The following CSTF3 variants were observed in gnomAD, a reference collection of about 807,000 sequenced individuals.
The protein encoded by CSTF3 is cleavage stimulation factor subunit 3.
A neutral mutation model predicts 105.8 loss-of-function variants in CSTF3; 29 were observed. The observed-to-expected ratio is 0.27, with a 90% CI of 0.20 to 0.37. The LOEUF (loss-of-function observed/expected upper bound fraction) is 0.37, where lower values mean the gene tolerates loss of function less well. Among genes scored for constraint, CSTF3 ranks in the 10% least tolerant of loss-of-function variants. The probability of loss-of-function intolerance (pLI) is 1.00; values close to 1 mark genes in which losing one functional copy is unlikely to be tolerated. For missense variants in CSTF3, 357 were observed against 879.3 expected (o/e 0.41, Z 7.51); for synonymous variants, 252 against 281.9 (o/e 0.89, Z 1.06).
intron 1 of CSTF3, among the ~76,000 whole-genome samples, chr11:33,148,247 C>T (rs1855808352): frequency 6.6e-6 from 1 of 152,208 alleles, no homozygotes; most frequent in African/African-American, 2.4e-5. Flanking sequence ...GATTCTCAAT[C>T]CTGGCTCTGC....
rs573057096 is a variant in CSTF3 at position 33,108,303 on chromosome 11, T to C, written c.258+83A>G. The C allele has an allele frequency of 7.5e-6, 9 of 1,198,252 alleles. No individual in the cohort carries two copies. In the South Asian group the frequency reaches 1.2e-4, roughly 16 times the overall value. 74.2% of individuals were successfully genotyped at this position (1,198,252 alleles called of 1,614,324 possible). ...AATCACTATCTAGATTCAATTATTA[T>C]TAACATTTTACTACATCTGTCTTAT... On this transcript the variant is annotated intron_variant, in intron 4 of 20. Coordinates refer to ENST00000323959, the MANE Select transcript of CSTF3 (RefSeq NM_001326.3).
chr11:33,153,195 T>G (rs1849811585), intron 1 of CSTF3, among the ~76,000 whole-genome samples: 1 of 152,166 alleles, frequency 6.6e-6, no homozygotes, highest in Non-Finnish European at 1.5e-5. Flanking sequence ...AGACATTATC[T>G]GCTTCTTTCA....
intron 17 of CSTF3, among the ~76,000 whole-genome samples, chr11:33,088,289 C>CTTT (rs951194279): frequency 3.5e-5 from 5 of 141,010 alleles, no homozygotes; most frequent in East Asian, 2.0e-4. Flanking sequence ...TACTTACTCT[C>CTTT]TTTTTTTTTT....
chr11:33,148,171 C>A (rs995737080), intron 1 of CSTF3, among the ~76,000 whole-genome samples: 2 of 152,112 alleles, frequency 1.3e-5, no homozygotes, highest in East Asian at 1.9e-4. Context: ...TGATATCCAA[C>A]CAAGCATAAT....
intron 5 of CSTF3, among the ~76,000 whole-genome samples, 194 bp from the exon 6 acceptor site, chr11:33,106,258 T>A (rs998245996): frequency 2.0e-5 from 3 of 151,678 alleles, no homozygotes; most frequent in Non-Finnish European, 4.4e-5. Context: ...AAAATAAAAA[T>A]TAAAAAAATT....
chr11:33,128,023 G>A (rs1855561314), intron 3 of CSTF3, among the ~76,000 whole-genome samples: 1 of 151,988 alleles, frequency 6.6e-6, no homozygotes, highest in Admixed American at 6.6e-5. Context: ...TCTTTTTTCT[G>A]TACAAAATAA....
rs749390121 is a variant in CSTF3 at position 33,161,357 on chromosome 11, C to G, written c.-32G>C. ...AGCTGATTACAACGTGCGCACTGAC[C>G]GTCGATGGGAAGCTAGAAAAGAAAA... is the stretch of plus-strand genomic sequence containing the variant. On this transcript the variant is annotated 5_prime_UTR_variant, in exon 1 of 21. Coordinates refer to ENST00000323959, the MANE Select transcript of CSTF3 (RefSeq NM_001326.3). 3.1e-6 allele frequency: 5 copies of G among 1,610,980 alleles called. No individual in the cohort carries two copies. In the African/African-American group the frequency reaches 5.3e-5, roughly 17 times the overall value.
intron 1 of CSTF3, among the ~76,000 whole-genome samples, chr11:33,157,890 T>C (rs2133811891): frequency 6.6e-6 from 1 of 152,320 alleles, no homozygotes; most frequent in East Asian, 1.9e-4. Flanking sequence ...TTAGTCTCAT[T>C]GAGTTTATTT....
At chr11:33,155,386 T>TAAAAAAAAAA (rs35704730) in intron 1 of CSTF3, among the ~76,000 whole-genome samples, 1 of 144,448 alleles carries the variant, frequency 6.9e-6, no homozygotes, top group African/African-American at 2.5e-5. Context: ...ATAAAAAAAT[T>TAAAAAAAAAA]AAAAAAAAAA....
intron 1 of CSTF3, among the ~76,000 whole-genome samples, chr11:33,154,442 C>T (rs889291452): frequency 1.4e-5 from 2 of 144,188 alleles, no homozygotes; most frequent in African/African-American, 5.0e-5. Context: ...CTGTGGTTAA[C>T]TTTTTTTCAA....
chr11:33,096,719 T>C, intron 14 of CSTF3, 116 bp downstream of exon 14: 1 of 980,088 alleles, frequency 1.0e-6, no homozygotes, highest in Non-Finnish European at 1.5e-6. Context: ...ACACTTAGAC[T>C]GCCTTTACAA....
chr11:33,137,220 T>C (rs1362473888), intron 3 of CSTF3, among the ~76,000 whole-genome samples: 2 of 151,842 alleles, frequency 1.3e-5, no homozygotes, highest in African/African-American at 4.8e-5. Flanking sequence ...GGCAATCAGG[T>C]TGACTAGCAC....
chr11:33,137,673 T>C (rs561366288), intron 3 of CSTF3, among the ~76,000 whole-genome samples: 3 of 151,916 alleles, frequency 2.0e-5, no homozygotes, highest in Non-Finnish European at 3.0e-5. Context: ...AAAAAGCATA[T>C]TGAGTTTTAA....
intron 3 of CSTF3, among the ~76,000 whole-genome samples, chr11:33,110,147 C>T (rs1855365489): frequency 6.6e-6 from 1 of 152,140 alleles, no homozygotes; most frequent in South Asian, 2.1e-4. Context: ...TTGGTGGATC[C>T]TTCAGATGTG....
At chr11:33,089,323 G>A (rs1318692871) in intron 17 of CSTF3, among the ~76,000 whole-genome samples, 32 of 149,042 alleles carry the variant, frequency 2.1e-4, no homozygotes, top group Admixed American at 2.1e-3. Flanking sequence ...CTCCAGCCTG[G>A]GCAACAGAGT....
chr11:33,102,160 A>T lies in CSTF3; in HGVS notation c.826+17T>A. 6.2e-7 allele frequency: 1 copy of T among 1,610,832 alleles called. No individual in the cohort carries two copies. The highest frequency in any genetic ancestry group is 1.3e-5 in the African/African-American group (1 of 74,942). ...ACATACATGTAACTGAAGTCCCATGAGGGTTAATCATGTTACCTCTTTTTG... is the reference window on the plus strand; with the variant it reads ...ACATACATGTAACTGAAGTCCCATGTGGGTTAATCATGTTACCTCTTTTTG... On this transcript the variant is annotated intron_variant, in intron 10 of 20. Transcript: ENST00000323959.
intron 15 of CSTF3, among the ~76,000 whole-genome samples, chr11:33,095,565 T>C (rs1051651222): frequency 6.6e-5 from 10 of 152,126 alleles, no homozygotes; most frequent in African/African-American, 2.4e-4. Flanking sequence ...CTCACGCCTG[T>C]AATCCCAGCA....
rs1178841248 is a variant in CSTF3, at chr11:33,153,130, A to T, written c.27+8169T>A. 2.0e-5 allele frequency among the ~76,000 whole-genome samples: 3 copies of T among 152,132 alleles called. No homozygotes were observed. The East Asian group carries it at 5.8e-4, about 29-fold the overall frequency. On this transcript the variant is annotated intron_variant, in intron 1 of 20. Transcript: ENST00000323959. ...TTTTCCAAAATAAAAAAAAAAGTCAAAAGAATGGCACCATTTTACATTTTC... is the reference window on the plus strand; with the variant it reads ...TTTTCCAAAATAAAAAAAAAAGTCATAAGAATGGCACCATTTTACATTTTC...
chr11:33,099,108 T>C lies in CSTF3; in HGVS notation c.979A>G (p.Ile327Val), dbSNP rs1442488198. Residue 327 changes from isoleucine (I) to valine (V), a missense_variant, in exon 12 of 21, where the codon ATA becomes GTA. Physicochemically the swap from Ile to Val is conservative, Grantham distance 29. This residue lies in a region of CSTF3 where 206 missense variants were observed against 576.5 expected (regional missense o/e 0.36). Coordinates refer to ENST00000323959, the MANE Select transcript of CSTF3 (RefSeq NM_001326.3). The surrounding 1 kb of genome is among the most constrained non-coding windows in gnomAD (Gnocchi z 4.1). ...AAAGTGCTTATGGCTCTTTCATATA[T>C]ATTAGCAGCTTCATCACTAAATAAT... The part of the protein sequence containing the change: ...AKLFSDEAAN[I>V]YERAISTLLK... The C allele has an allele frequency of 2.5e-6, 4 of 1,583,052 alleles. No individual in the cohort carries two copies. Among genetic ancestry groups the C allele is most frequent in the South Asian group, 1.2e-5 (1 of 83,858 alleles).
Sources: gnomAD v4.1 joint callset for allele counts (sites outside exome capture counted in the v4.1 genomes callset) on GRCh38, gnomAD v4.1.1 for gene constraint, gnomAD v4.1.1 regional missense constraint, Gnocchi (gnomAD v3.1) non-coding constraint, MANE v1.5 for transcripts, NCBI Gene and HGNC (gene_info 2026-07-23, HGNC 2026-07-21) for gene names.